Variants in SLC67A1 observed in about 807,000 individuals in gnomAD.
The protein encoded by SLC67A1 is solute carrier family 67 member 1, also known as solute carrier family 67 member A1.
At chr11:2,925,073 G>T in the SLC67A1 span, 4 of 1,613,770 alleles carry the variant, frequency 2.5e-6, no homozygotes, top group Admixed American at 6.7e-5. This position sits in a 1 kb window ranked among gnomAD's most constrained non-coding sequence, Gnocchi z 6.5. Context: ...CCCACGGTCG[G>T]CGGCCTCCTG....
At chr11:2,915,068 T>C in the SLC67A1 span, 3 of 985,210 alleles carry the variant, frequency 3.0e-6, no homozygotes, top group East Asian at 2.3e-4. Flanking sequence ...CCCTGATGGA[T>C]TGGCGGGGGC....
At chr11:2,922,632 C>G in the SLC67A1 span, 1 of 643,882 alleles carries the variant, frequency 1.6e-6, no homozygotes, top group African/African-American at 2.2e-5. Flanking sequence ...GGGTGGGCAG[C>G]CTAGGGTCTG....
At chr11:2,909,584 A>C in the SLC67A1 span, 1 of 1,528,756 alleles carries the variant, frequency 6.5e-7, no homozygotes, top group African/African-American at 1.4e-5. Context: ...CCAGCCGCCC[A>C]GATGGTCATC....
chr11:2,904,410 G>A, the SLC67A1 span, among the ~76,000 whole-genome samples: 2,715 of 152,320 alleles, frequency 0.018, 94 homozygotes, highest in African/African-American at 0.062. Flanking sequence ...CAGGCGCCCC[G>A]CCCACTCCTG....
the SLC67A1 span, among the ~76,000 whole-genome samples, chr11:2,901,157 T>A: frequency 1.3e-5 from 2 of 152,170 alleles, no homozygotes; most frequent in Non-Finnish European, 2.9e-5. Flanking sequence ...GAGAAACACT[T>A]TTTCTTCCGA....
At chr11:2,913,414 G>A in the SLC67A1 span, among the ~76,000 whole-genome samples, 22 of 152,182 alleles carry the variant, frequency 1.4e-4, no homozygotes, top group African/African-American at 5.1e-4. Context: ...TTTGGGGCAG[G>A]AGGGAGCTTG....
At chr11:2,900,171 G>A in the SLC67A1 span, among the ~76,000 whole-genome samples, 1 of 152,026 alleles carries the variant, frequency 6.6e-6, no homozygotes, top group Non-Finnish European at 1.5e-5. Context: ...AGGGCGGCCA[G>A]TGGTGACTAT....
At chr11:2,903,109 C>G in the SLC67A1 span, 1 of 901,728 alleles carries the variant, frequency 1.1e-6, no homozygotes, top group East Asian at 3.0e-5. Context: ...GAGACCAGAG[C>G]TGTCAAAAGT....
chr11:2,909,410 G>C, the SLC67A1 span: 1 of 1,485,092 alleles, frequency 6.7e-7, no homozygotes, highest in African/African-American at 1.5e-5. Context: ...GCAGCCTGCG[G>C]AGGACCCGGG....
the SLC67A1 span, among the ~76,000 whole-genome samples, chr11:2,917,430 G>C: frequency 1.3e-5 from 2 of 152,254 alleles, no homozygotes; most frequent in Admixed American, 6.5e-5. Flanking sequence ...GAGCACAGCA[G>C]AGCCAGAGAG....
chr11:2,919,087 G>A, the SLC67A1 span: 1,081 of 582,450 alleles, frequency 1.9e-3, 14 homozygotes, highest in African/African-American at 0.019. Context: ...TCACAGTCCA[G>A]AGCTTAGCAA....
chr11:2,909,562 C>A, the SLC67A1 span: 1 of 1,524,180 alleles, frequency 6.6e-7, no homozygotes, highest in South Asian at 1.2e-5. Flanking sequence ...GCTCAGCTCC[C>A]CCGCCCCGTC....
chr11:2,924,073 T>G, the SLC67A1 span, among the ~76,000 whole-genome samples: 1 of 152,212 alleles, frequency 6.6e-6, no homozygotes, highest in African/African-American at 2.4e-5. The surrounding 1 kb of genome is among the most constrained non-coding windows in gnomAD (Gnocchi z 8.6). Flanking sequence ...TCCTCCCACC[T>G]GGAGTCCTGG....
chr11:2,907,916 G>A, the SLC67A1 span, among the ~76,000 whole-genome samples: 2 of 152,196 alleles, frequency 1.3e-5, no homozygotes, highest in African/African-American at 4.8e-5. This position sits in a 1 kb window ranked among gnomAD's most constrained non-coding sequence, Gnocchi z 6.7. Context: ...CCCCCACAAA[G>A]TTTTGAATGA....
chr11:2,903,435 C>T, the SLC67A1 span: 14 of 1,613,046 alleles, frequency 8.7e-6, no homozygotes, highest in African/African-American at 2.7e-5. Flanking sequence ...TGCTTACCTA[C>T]GTGCTGGCCG....
At chr11:2,913,779 G>A in the SLC67A1 span, among the ~76,000 whole-genome samples, 1 of 152,208 alleles carries the variant, frequency 6.6e-6, no homozygotes, top group African/African-American at 2.4e-5. Context: ...GATGACCTGG[G>A]CACATGCTGT....
At chr11:2,923,210 C>G in the SLC67A1 span, among the ~76,000 whole-genome samples, 1 of 152,170 alleles carries the variant, frequency 6.6e-6, no homozygotes, top group Non-Finnish European at 1.5e-5. The surrounding 1 kb of genome is among the most constrained non-coding windows in gnomAD (Gnocchi z 6.5). Context: ...TGGTTGAGGT[C>G]AAAGGACTCA....
At chr11:2,903,679 T>G in the SLC67A1 span, 3 of 634,546 alleles carry the variant, frequency 4.7e-6, no homozygotes, top group Non-Finnish European at 8.2e-6. Flanking sequence ...CGTCAGCACA[T>G]CCTGTGCTCC....
the SLC67A1 span, chr11:2,919,402 C>T: frequency 6.2e-7 from 1 of 1,613,004 alleles, no homozygotes; most frequent in Non-Finnish European, 8.5e-7. Context: ...CGGGCTCCTC[C>T]AGATGGTGAG....
Sources: allele counts gnomAD v4.1 joint callset (sites outside exome capture counted in the v4.1 genomes callset), GRCh38; gene constraint gnomAD v4.1.1; non-coding constraint Gnocchi (gnomAD v3.1); transcripts MANE v1.5; gene names NCBI Gene and HGNC (gene_info 2026-07-23, HGNC 2026-07-21).